GRIP1: variants seen among roughly 807,000 people sequenced by gnomAD.
GRIP1 encodes glutamate receptor interacting protein 1.
A neutral mutation model predicts 129.9 loss-of-function variants in GRIP1; 45 were observed. That is an observed-to-expected ratio of 0.35 (90% confidence interval 0.27 to 0.44). The LOEUF is 0.44. Ranked by LOEUF, GRIP1 falls within the 20% of genes least tolerant of loss-of-function variation. GRIP1 has a pLI of 1.00. For synonymous variants in GRIP1, 530 were observed against 520.8 expected (o/e 1.02, Z -0.24); for missense variants, 1,196 against 1,396.8 (o/e 0.86, Z 2.29).
chr12:67,023,448 G>C (rs567569284), intron 1 of GRIP1, among the ~76,000 whole-genome samples: 7 of 152,060 alleles, frequency 4.6e-5, no homozygotes, highest in Non-Finnish European at 1.0e-4. Flanking sequence ...TAAATGTGTG[G>C]GTTTATTTCT....
chr12:66,993,481 C>T (rs940371792), intron 1 of GRIP1, among the ~76,000 whole-genome samples: 2 of 151,364 alleles, frequency 1.3e-5, no homozygotes, highest in Admixed American at 1.3e-4. Context: ...AAAAAAAAGA[C>T]TCAAATTGCT....
intron 1 of GRIP1, among the ~76,000 whole-genome samples, chr12:66,614,818 C>A: frequency 6.6e-6 from 1 of 152,244 alleles, no homozygotes; most frequent in South Asian, 2.1e-4. Context: ...ACTCCTTCAA[C>A]GTGTCAAGCT....
chr12:66,676,195 T>G (rs771204584), intron 1 of GRIP1, among the ~76,000 whole-genome samples: 1 of 152,162 alleles, frequency 6.6e-6, no homozygotes, highest in Non-Finnish European at 1.5e-5. Flanking sequence ...AAAATGTCAG[T>G]GTCTGGCACA....
In GRIP1 at chr12:66,785,307, C is replaced by CAT. The variant is rs1337681764; in HGVS notation, c.-420+18744_-420+18745dup. Among the ~76,000 whole-genome samples the CAT allele has an allele frequency of 2.5e-4, 15 of 58,896 alleles. 1 individual carries two copies. Among genetic ancestry groups the CAT allele is most frequent in the African/African-American group, 7.8e-4 (13 of 16,624 alleles). 38.6% of individuals were successfully genotyped at this position (58,896 alleles called of 152,430 possible). The stretch of plus-strand genomic sequence containing the variant: ...AACCCTGACTCTTCCAAGAATTTAA[C>CAT]ATACATACATACATACATACATACA... On this transcript the variant is annotated intron_variant, in intron 1 of 4. Transcript: ENST00000538373.
chr12:66,785,305 AACAT>A lies in GRIP1; in HGVS notation c.-420+18744_-420+18747del, dbSNP rs765557975. ...GAAACCCTGACTCTTCCAAGAATTTAACATACATACATACATACATACATACATA... is the reference window on the plus strand; with the variant it reads ...GAAACCCTGACTCTTCCAAGAATTTAACATACATACATACATACATACATA... On this transcript the variant is annotated intron_variant, in intron 1 of 4. Coordinates refer to the GRIP1 transcript ENST00000538373. 1.3e-3 allele frequency among the ~76,000 whole-genome samples: 140 copies of A among 103,912 alleles called. 4 individuals are homozygous for A. The highest frequency in any genetic ancestry group is 3.5e-3 in the African/African-American group (93 of 26,392). The allele number at this position is 103,912 out of a possible 152,430, so 68.2% of individuals were successfully genotyped here.
chr12:66,738,509 C>T (rs2036683821), intron 1 of GRIP1, among the ~76,000 whole-genome samples: 1 of 152,138 alleles, frequency 6.6e-6, no homozygotes. Flanking sequence ...GCATGAACCA[C>T]CACGCCCACC....
intron 1 of GRIP1, among the ~76,000 whole-genome samples, chr12:66,962,970 C>G (rs1441810946): frequency 1.3e-5 from 2 of 152,204 alleles, no homozygotes; most frequent in African/African-American, 2.4e-5. Flanking sequence ...GCTGCAAGCA[C>G]AAATGTTCAT....
chr12:66,875,222 C>T (rs1181648779), intron 1 of GRIP1, among the ~76,000 whole-genome samples: 2 of 152,020 alleles, frequency 1.3e-5, no homozygotes, highest in Admixed American at 6.6e-5. Flanking sequence ...TGGTAATAAA[C>T]ACATTGTTAC....
chr12:66,375,781 TC>T (rs1481998625), intron 22 of GRIP1, among the ~76,000 whole-genome samples: 1 of 152,234 alleles, frequency 6.6e-6, no homozygotes, highest in Non-Finnish European at 1.5e-5. Flanking sequence ...CCTGATTGTA[TC>T]ACTTTTTACA....
chr12:66,495,828 T>G (rs1432643938), intron 7 of GRIP1, among the ~76,000 whole-genome samples: 4 of 152,186 alleles, frequency 2.6e-5, no homozygotes, highest in Non-Finnish European at 4.4e-5. Flanking sequence ...AAATCCCTTC[T>G]GAGAAGTCAG....
At chr12:66,965,819 T>C (rs2041990475) in intron 1 of GRIP1, among the ~76,000 whole-genome samples, 1 of 152,170 alleles carries the variant, frequency 6.6e-6, no homozygotes, top group Non-Finnish European at 1.5e-5. Context: ...AATGCATGAA[T>C]GAACCACAGA....
chr12:66,849,968 CCA>C (rs2039881874), intron 1 of GRIP1, among the ~76,000 whole-genome samples: 3 of 152,236 alleles, frequency 2.0e-5, no homozygotes, highest in African/African-American at 7.2e-5. Context: ...TCTTTCTGTG[CCA>C]CAGTTTCCTC....
intron 1 of GRIP1, among the ~76,000 whole-genome samples, chr12:66,715,487 A>T (rs1211255157): frequency 0.011 from 1,315 of 117,102 alleles, 16 homozygotes; most frequent in African/African-American, 0.037. Context: ...AGAGAGAGAG[A>T]GAGAGAGAGA....
chr12:66,557,716 C>T (rs1233125273), intron 2 of GRIP1, among the ~76,000 whole-genome samples: 1 of 152,048 alleles, frequency 6.6e-6, no homozygotes, highest in Non-Finnish European at 1.5e-5. Context: ...TCCTGAATGA[C>T]CAATGGGTCA....
chr12:66,501,624 A>T (rs1016395631), intron 7 of GRIP1, among the ~76,000 whole-genome samples: 2 of 152,316 alleles, frequency 1.3e-5, no homozygotes, highest in East Asian at 3.9e-4. Flanking sequence ...TGTCTAACTA[A>T]TACATATACA....
chr12:66,769,103 G>C (rs1238474005), intron 1 of GRIP1, among the ~76,000 whole-genome samples: 2 of 152,234 alleles, frequency 1.3e-5, no homozygotes, highest in African/African-American at 4.8e-5. Context: ...TTCTGACGCA[G>C]TAGGTTTGGA....
intron 1 of GRIP1, among the ~76,000 whole-genome samples, chr12:66,833,765 T>G (rs2137025635): frequency 6.6e-6 from 1 of 152,232 alleles, no homozygotes; most frequent in African/African-American, 2.4e-5. Flanking sequence ...TATCTATCTC[T>G]TACATTAAAA....
At chr12:66,456,384 G>T in intron 9 of GRIP1, 42 bp from the exon 10 acceptor site, 3 of 1,179,044 alleles carry the variant, frequency 2.5e-6, no homozygotes, top group South Asian at 1.3e-5. Flanking sequence ...AAAAACAAAC[G>T]AACAAACAAA....
At chr12:66,920,968 C>G (rs151324731) in intron 1 of GRIP1, among the ~76,000 whole-genome samples, 66 of 152,342 alleles carry the variant, frequency 4.3e-4, no homozygotes, top group African/African-American at 1.5e-3. Flanking sequence ...CATTCTCTTT[C>G]ATGTGCCATG....
Sources: allele counts gnomAD v4.1 joint callset (sites outside exome capture counted in the v4.1 genomes callset), GRCh38; gene constraint gnomAD v4.1.1; transcripts MANE v1.5; gene names NCBI Gene and HGNC (gene_info 2026-07-23, HGNC 2026-07-21).